DMD: variants seen among roughly 807,000 people sequenced by gnomAD.
The protein encoded by DMD is mutant dystrophin.
In DMD, 63 loss-of-function variants were observed where a neutral mutation model predicts 330.1. The ratio of observed to expected loss-of-function variants is 0.19; its 90% CI spans 0.16 to 0.24. The LOEUF is 0.24. DMD is among the 10% of genes least tolerant of loss of function. The pLI is 1.00. For missense variants in DMD, 3,344 were observed against 2,684.1 expected, an observed-to-expected ratio of 1.25 and a Z score of -5.43; for synonymous variants, 1,223 against 959.8, an observed-to-expected ratio of 1.27 and a Z score of -5.07.
At chrX:32,837,257 CT>C (rs958232693) in intron 4 of DMD, among the ~76,000 whole-genome samples, 24 of 112,071 alleles carry the variant, frequency 2.1e-4, no homozygotes, top group African/African-American at 7.5e-4. Context: ...TTCACCTCTT[CT>C]TTGTATGTGA....
chrX:31,172,038 T>G (rs189660044), intron 73 of DMD, among the ~76,000 whole-genome samples: 1 of 111,473 alleles, frequency 9.0e-6, no homozygotes. Flanking sequence ...ATCTGGCAGG[T>G]TTGGTCAAAG....
intron 41 of DMD, among the ~76,000 whole-genome samples, 178 bp from the exon 42 acceptor site, chrX:32,310,454 C>A (rs988620529): frequency 1.8e-5 from 2 of 110,663 alleles, no homozygotes; most frequent in African/African-American, 6.5e-5. Flanking sequence ...TAATTATATA[C>A]CTACTTTTTC....
intron 17 of DMD, among the ~76,000 whole-genome samples, chrX:32,522,491 G>A (rs2046535636): frequency 1.8e-5 from 2 of 112,015 alleles, no homozygotes; most frequent in South Asian, 7.5e-4. Context: ...GTCTATGCTA[G>A]ATACATTCAA....
At chrX:31,136,822 A>G (rs181310395) in intron 76 of DMD, among the ~76,000 whole-genome samples, 1 of 112,260 alleles carries the variant, frequency 8.9e-6, no homozygotes, top group African/African-American at 3.2e-5. Flanking sequence ...GTGTCCAAGT[A>G]TAATACAAAT....
intron 7 of DMD, among the ~76,000 whole-genome samples, chrX:32,799,240 C>T (rs1293057062): frequency 9.0e-6 from 1 of 111,042 alleles, no homozygotes; most frequent in Admixed American, 9.7e-5. Flanking sequence ...TCCGTGTCAC[C>T]ATTCTCAGGA....
intron 25 of DMD, among the ~76,000 whole-genome samples, chrX:32,459,117 G>A (rs1282371936): frequency 9.0e-6 from 1 of 110,842 alleles, no homozygotes. Flanking sequence ...TAAAAATACT[G>A]TATTGTTAAA....
chrX:31,624,774 C>G (rs2078749539), intron 55 of DMD, among the ~76,000 whole-genome samples: 1 of 111,631 alleles, frequency 9.0e-6, no homozygotes, highest in Non-Finnish European at 1.9e-5. Flanking sequence ...CCAGCTTCTT[C>G]AAATGAAGTG....
intron 50 of DMD, among the ~76,000 whole-genome samples, chrX:31,814,467 A>G (rs758663417): frequency 6.2e-5 from 5 of 80,196 alleles, no homozygotes; most frequent in African/African-American, 2.3e-4. Flanking sequence ...TGGGCGACAG[A>G]GTGAGACTCC....
rs765885178 is a variant in DMD at position 31,182,897 on chromosome X, T to C, written c.9815A>G (p.Asn3272Ser). ...GAGGGCCGCTTCGATCTCTGGCTTATTATTAGCCTGCAAAGACAGGAGGGA... is the reference window on the plus strand; with the variant it reads ...GAGGGCCGCTTCGATCTCTGGCTTACTATTAGCCTGCAAAGACAGGAGGGA... ...SVRSCFQFANNKPEIEAALFL... is the reference protein window; with the variant it reads ...SVRSCFQFANSKPEIEAALFL... Residue 3272 changes from asparagine to serine, a missense_variant, in exon 68 of 79, where the codon AAT (asparagine) becomes AGT (serine). Asn to Ser is a conservative substitution (Grantham distance 46). Coordinates refer to ENST00000357033, the MANE Select transcript of DMD (RefSeq NM_004006.3). 3 of 1,207,564 alleles carry C rather than the reference T, an allele frequency of 2.5e-6. No individual in the cohort carries two copies. The highest frequency in any genetic ancestry group is 3.5e-5 in the South Asian group (2 of 56,541).
intron 44 of DMD, among the ~76,000 whole-genome samples, chrX:32,157,860 G>A (rs1269130752): frequency 1.8e-5 from 2 of 111,742 alleles, no homozygotes; most frequent in Non-Finnish European, 3.8e-5. Flanking sequence ...CATCTTGAAT[G>A]GCAAAAGGAT....
intron 2 of DMD, among the ~76,000 whole-genome samples, chrX:32,910,394 G>A (rs749208113): frequency 2.7e-5 from 3 of 111,433 alleles, no homozygotes; most frequent in African/African-American, 9.8e-5. Flanking sequence ...TTGATCCCAG[G>A]TACATGTGGA....
intron 41 of DMD, among the ~76,000 whole-genome samples, chrX:32,331,333 GAT>G (rs1449746543): frequency 1.8e-5 from 2 of 111,492 alleles, no homozygotes; most frequent in African/African-American, 6.5e-5. Context: ...TTCAAATAAA[GAT>G]AATACTAACT....
chrX:32,654,646 C>G (rs890266408), intron 9 of DMD, among the ~76,000 whole-genome samples: 12 of 111,498 alleles, frequency 1.1e-4, no homozygotes, highest in Admixed American at 7.6e-4. Context: ...GCTTTGGTAT[C>G]AGGATGATGC....
At chrX:32,538,366 C>G (rs1248721478) in intron 17 of DMD, among the ~76,000 whole-genome samples, 1 of 111,300 alleles carries the variant, frequency 9.0e-6, no homozygotes, top group Non-Finnish European at 1.9e-5. Flanking sequence ...TGGCTCAAAA[C>G]CTCCCCCACT....
intron 7 of DMD, among the ~76,000 whole-genome samples, chrX:32,730,700 C>G (rs1335275670): frequency 9.0e-6 from 1 of 111,671 alleles, no homozygotes; most frequent in Non-Finnish European, 1.9e-5. Context: ...GTGGGAGCCA[C>G]TAAATATTTT....
chrX:31,892,207 C>T (rs1024477179), intron 47 of DMD, among the ~76,000 whole-genome samples: 8 of 111,464 alleles, frequency 7.2e-5, no homozygotes, highest in South Asian at 3.7e-4. Context: ...AGAAGTTGTG[C>T]GTTTCCAAAG....
At chrX:32,882,151 A>G (rs1380537139) in intron 2 of DMD, among the ~76,000 whole-genome samples, 2 of 111,834 alleles carry the variant, frequency 1.8e-5, no homozygotes, top group Non-Finnish European at 3.8e-5. Context: ...CCTCAGTCCC[A>G]TTGGGCCCTT....
chrX:32,968,764 T>C (rs1459328358), intron 2 of DMD, among the ~76,000 whole-genome samples: 2 of 108,861 alleles, frequency 1.8e-5, no homozygotes, highest in African/African-American at 6.7e-5. Flanking sequence ...GCGCGGTGGC[T>C]CACACCTGTA....
chrX:32,875,452 C>G (rs1007586985), intron 2 of DMD, among the ~76,000 whole-genome samples: 2 of 112,127 alleles, frequency 1.8e-5, no homozygotes, highest in African/African-American at 6.5e-5. Flanking sequence ...CTGCTCTTTT[C>G]CCTTCTGTAG....
Sources: allele counts gnomAD v4.1 joint callset (sites outside exome capture counted in the v4.1 genomes callset), GRCh38; gene constraint gnomAD v4.1.1; transcripts MANE v1.5; gene names NCBI Gene and HGNC (gene_info 2026-07-23, HGNC 2026-07-21).